MAML3: variants seen among roughly 807,000 people sequenced by gnomAD.
The protein encoded by MAML3 is mastermind like transcriptional coactivator 3, also known as mastermind-like protein 3.
In MAML3, 27 loss-of-function variants were observed where a neutral mutation model predicts 101.9. That is an observed-to-expected ratio of 0.27 (90% CI 0.20 to 0.37). The LOEUF is 0.37. Among genes scored for constraint, MAML3 ranks in the 10% least tolerant of loss-of-function variants. The probability of loss-of-function intolerance (pLI) is 1.00; values close to 1 mark genes in which losing one functional copy is unlikely to be tolerated. For missense variants in MAML3, 1,316 were observed against 1,444.9 expected (o/e 0.91, Z 1.45); for synonymous variants, 501 against 555.9 (o/e 0.90, Z 1.39).
chr4:139,996,686 C>CATGT (rs59834103), intron 1 of MAML3, among the ~76,000 whole-genome samples: 112,512 of 150,900 alleles, frequency 0.75, 43,207 homozygotes, highest in East Asian at 0.9. Context: ...ATAGTTGTAT[C>CATGT]GTGTGTGTGT....
At chr4:139,724,915 C>T (rs1230856850) in intron 4 of MAML3, among the ~76,000 whole-genome samples, 2 of 152,032 alleles carry the variant, frequency 1.3e-5, no homozygotes, top group African/African-American at 4.8e-5. Flanking sequence ...TGCATCACCA[C>T]TCCTGGCTAA....
chr4:140,019,919 T>C (rs768869983), intron 1 of MAML3, among the ~76,000 whole-genome samples: 22 of 152,352 alleles, frequency 1.4e-4, no homozygotes, highest in South Asian at 8.3e-4. Context: ...TTCCTAGTAC[T>C]AAAGTTTGTC....
Position 139,791,938 on chromosome 4 carries a change from C to T in MAML3, c.2080-61271G>A, listed in dbSNP as rs143078508. On this transcript the variant is annotated intron_variant, in intron 2 of 4. Transcript: ENST00000509479. ...TGCAGACAGGTGGACATGGTAATTA[C>T]GGAGGCTCCATCTGTTAGTGGTGCT... Among the ~76,000 whole-genome samples the T allele has an allele frequency of 1.8e-3, 271 of 152,292 alleles. 1 individual carries two copies. The highest frequency in any genetic ancestry group is 6.2e-3 in the African/African-American group (258 of 41,544).
At chr4:139,745,143 G>A (rs529471656) in intron 2 of MAML3, among the ~76,000 whole-genome samples, 13 of 151,558 alleles carry the variant, frequency 8.6e-5, no homozygotes, top group African/African-American at 2.9e-4. Flanking sequence ...AGAGAAGGAA[G>A]GAAGGAGAGC....
intron 1 of MAML3, among the ~76,000 whole-genome samples, chr4:140,060,246 A>G (rs1281952105): frequency 1.3e-5 from 2 of 151,508 alleles, no homozygotes; most frequent in Non-Finnish European, 2.9e-5. Context: ...GGTGCCTGTA[A>G]TCCCAGCTAC....
At chr4:139,741,477 C>T (rs1241083367) in intron 2 of MAML3, among the ~76,000 whole-genome samples, 4 of 152,256 alleles carry the variant, frequency 2.6e-5, no homozygotes, top group Admixed American at 6.5e-5. Context: ...CTGAGCTGAG[C>T]GTGGTGGCTC....
chr4:139,740,855 G>T (rs1324411913), intron 2 of MAML3: 1 of 152,620 alleles, frequency 6.6e-6, no homozygotes, highest in East Asian at 1.9e-4. Flanking sequence ...GCCTTGGGAG[G>T]GGGGCTGAGA....
intron 2 of MAML3, among the ~76,000 whole-genome samples, chr4:139,822,671 A>G (rs562613070): frequency 6.6e-6 from 1 of 152,346 alleles, no homozygotes; most frequent in Admixed American, 6.5e-5. Flanking sequence ...ACAAACATCA[A>G]GATGTTAGCA....
chr4:140,044,232 T>C (rs925938485), intron 1 of MAML3, among the ~76,000 whole-genome samples: 3 of 152,080 alleles, frequency 2.0e-5, no homozygotes, highest in Non-Finnish European at 2.9e-5. Context: ...ATTGTCAAAA[T>C]ACATTTCCCT....
intron 1 of MAML3, among the ~76,000 whole-genome samples, chr4:140,041,299 A>G (rs1377627481): frequency 6.6e-6 from 1 of 152,108 alleles, no homozygotes; most frequent in Non-Finnish European, 1.5e-5. Context: ...GGCCAGAGAT[A>G]GGAAGGAAAA....
chr4:139,843,844 T>C (rs752550691), intron 2 of MAML3, among the ~76,000 whole-genome samples: 2 of 152,326 alleles, frequency 1.3e-5, no homozygotes, highest in South Asian at 2.1e-4. Context: ...TGTTTGGGTC[T>C]GATGAAGCAA....
At chr4:140,104,413 A>ATTATATAATAT (rs1728314630) in intron 1 of MAML3, among the ~76,000 whole-genome samples, 1 of 29,672 alleles carries the variant, frequency 3.4e-5, no homozygotes, top group Non-Finnish European at 9.0e-5. Flanking sequence ...TATATAATAT[A>ATTATATAATAT]ATATATAATA....
At chr4:139,910,388 C>T (rs1294222635) in intron 1 of MAML3, among the ~76,000 whole-genome samples, 3 of 152,220 alleles carry the variant, frequency 2.0e-5, no homozygotes, top group Non-Finnish European at 4.4e-5. Flanking sequence ...CTGTGCGATA[C>T]TTCAGTCACT....
intron 1 of MAML3, among the ~76,000 whole-genome samples, chr4:139,933,975 G>A (rs1733454983): frequency 6.6e-6 from 1 of 152,132 alleles, no homozygotes; most frequent in Non-Finnish European, 1.5e-5. Flanking sequence ...GTGAGTGTAT[G>A]TGATTATGAA....
At chr4:139,790,716 A>G (rs371904809) in intron 2 of MAML3, among the ~76,000 whole-genome samples, 5 of 152,186 alleles carry the variant, frequency 3.3e-5, no homozygotes, top group Non-Finnish European at 1.5e-5. Context: ...TGTAGTACGT[A>G]TCAGACATTC....
chr4:140,117,310 C>T lies in MAML3; in HGVS notation c.468+35550G>A, dbSNP rs543179971. 1.7e-3 allele frequency among the ~76,000 whole-genome samples: 252 copies of T among 152,256 alleles called. 1 individual carries two copies. Among genetic ancestry groups the T allele is most frequent in the Non-Finnish European group, 3.2e-3 (215 of 68,026 alleles). ...ACTTACTATTCTCTTTCAAGTAAGA[C>T]TTTTAAAAGCTGTTTCTAAATTTAC... On this transcript the variant is annotated intron_variant, in intron 1 of 4. Transcript: ENST00000509479.
chr4:139,745,080 C>CA (rs1478032561), intron 2 of MAML3, among the ~76,000 whole-genome samples: 1 of 152,170 alleles, frequency 6.6e-6, no homozygotes, highest in East Asian at 1.9e-4. Context: ...CATGGATTAG[C>CA]AGGGACTTGA....
At chr4:139,974,545 C>T (rs1323527370) in intron 1 of MAML3, among the ~76,000 whole-genome samples, 1 of 152,134 alleles carries the variant, frequency 6.6e-6, no homozygotes, top group African/African-American at 2.4e-5. Context: ...ACACATTAAA[C>T]AGCTAGTTGA....
In MAML3 at chr4:139,936,229, G is replaced by T. The variant is rs577369526; in HGVS notation, c.469-45262C>A. On this transcript the variant is annotated intron_variant, in intron 1 of 4. Coordinates refer to ENST00000509479, the MANE Select transcript of MAML3 (RefSeq NM_018717.5). ...TTTAGAGGTTGAATAATATTCCATT[G>T]TTTATATGTGTGTATAAACACACAG... Among the ~76,000 whole-genome samples, 6 of 152,124 alleles carry T rather than the reference G, an allele frequency of 3.9e-5. No individual in the cohort carries two copies. The East Asian group carries it at 1.2e-3, about 29-fold the overall frequency.
Sources: gnomAD v4.1 joint callset for allele counts (sites outside exome capture counted in the v4.1 genomes callset) on GRCh38, gnomAD v4.1.1 for gene constraint, MANE v1.5 for transcripts, NCBI Gene and HGNC (gene_info 2026-07-23, HGNC 2026-07-21) for gene names.